RNF180: variants seen among roughly 807,000 people sequenced by gnomAD.
RNF180 encodes the protein E3 ubiquitin-protein ligase RNF180.
RNF180 carries 38 observed loss-of-function variants against 59.2 expected under a neutral mutation model. The ratio of observed to expected loss-of-function variants is 0.64; its 90% confidence interval spans 0.50 to 0.84. The LOEUF (loss-of-function observed/expected upper bound fraction) is 0.84, where lower values mean the gene tolerates loss of function less well. Ranked by LOEUF, RNF180 falls within the 40% of genes least tolerant of loss-of-function variation. The pLI is 0.00. For synonymous variants in RNF180, 262 were observed against 240.3 expected, an observed-to-expected ratio of 1.09 and a Z score of -0.84; for missense variants, 705 against 700.9, an observed-to-expected ratio of 1.01 and a Z score of -0.07.
chr5:64,349,521 G>C (rs991995150), intron 7 of RNF180, among the ~76,000 whole-genome samples: 2 of 151,246 alleles, frequency 1.3e-5, no homozygotes, highest in Non-Finnish European at 2.9e-5. Context: ...ATGTTGGTGT[G>C]CTGCACCCAT....
chr5:64,227,826 AAAAT>A lies in RNF180; in HGVS notation c.1227+10435_1227+10438del, dbSNP rs532038647. On this transcript the variant is annotated intron_variant, in intron 5 of 7. Coordinates refer to ENST00000389100, the MANE Select transcript of RNF180 (RefSeq NM_001113561.2). Reference sequence around the variant, plus strand: ...ACTTTTAAAATAAATAAATAAATAAAAAATAAATCTGCACATTTGGTTTTATTTA... The same window carrying A: ...ACTTTTAAAATAAATAAATAAATAAAAAATCTGCACATTTGGTTTTATTTA... Among the ~76,000 whole-genome samples, 227 of 152,334 alleles carry A rather than the reference AAAAT, an allele frequency of 1.5e-3. 1 individual carries two copies. The highest frequency in any genetic ancestry group is 5.2e-3 in the African/African-American group (216 of 41,562).
rs139136692 is a variant in RNF180 at position 64,297,445 on chromosome 5, TAGA to T, written c.1228-27735_1228-27733del. Among the ~76,000 whole-genome samples the T allele has an allele frequency of 7.0e-3, 1,061 of 152,158 alleles. 13 individuals carry two copies. Among genetic ancestry groups the T allele is most frequent in the African/African-American group, 0.023 (941 of 41,550 alleles). On this transcript the variant is annotated intron_variant, in intron 5 of 7. Coordinates refer to ENST00000389100, the MANE Select transcript of RNF180 (RefSeq NM_001113561.2). ...AAATTTGGCTCGAGTTTCAATTTAT[TAGA>T]AGAAGGGCTTCTTTTTTTGGTATTT...
chr5:64,271,842 C>T (rs574592211), intron 5 of RNF180, among the ~76,000 whole-genome samples: 1 of 152,070 alleles, frequency 6.6e-6, no homozygotes, highest in East Asian at 1.9e-4. Context: ...CTCACTGTGA[C>T]ACAAATGAAG....
intron 7 of RNF180, among the ~76,000 whole-genome samples, chr5:64,365,100 C>A (rs1225476010): frequency 6.6e-6 from 1 of 151,130 alleles, no homozygotes; most frequent in Admixed American, 6.6e-5. Context: ...TGTCTTCTAG[C>A]TTTGGGGTTG....
chr5:64,324,739 C>T (rs1744546814), intron 5 of RNF180, among the ~76,000 whole-genome samples: 1 of 152,320 alleles, frequency 6.6e-6, no homozygotes, highest in South Asian at 2.1e-4. Flanking sequence ...GAATGTTCCA[C>T]ACGCAGTATG....
At chr5:64,317,553 C>CAT (rs200147443) in intron 5 of RNF180, among the ~76,000 whole-genome samples, 1 of 139,986 alleles carries the variant, frequency 7.1e-6, no homozygotes, top group Non-Finnish European at 1.5e-5. Context: ...TTTATATATA[C>CAT]ATATATACAC....
At chr5:64,222,695 A>T (rs1356325191) in intron 5 of RNF180, among the ~76,000 whole-genome samples, 1 of 152,222 alleles carries the variant, frequency 6.6e-6, no homozygotes, top group Non-Finnish European at 1.5e-5. Context: ...CATAAATCAC[A>T]TTGTAGTTTG....
intron 7 of RNF180, among the ~76,000 whole-genome samples, chr5:64,350,986 A>C (rs1167469272): frequency 2.7e-4 from 41 of 152,088 alleles, no homozygotes; most frequent in South Asian, 8.3e-4. Flanking sequence ...TTGAATCTAT[A>C]AATTACCTTG....
intron 7 of RNF180, among the ~76,000 whole-genome samples, chr5:64,352,451 A>G (rs947196083): frequency 1.2e-4 from 18 of 151,816 alleles, no homozygotes; most frequent in African/African-American, 3.9e-4. Context: ...CTAGCTTTTG[A>G]TATGTTTGCC....
chr5:64,226,831 GT>G (rs1741791484), intron 5 of RNF180, among the ~76,000 whole-genome samples: 1 of 152,216 alleles, frequency 6.6e-6, no homozygotes, highest in African/African-American at 2.4e-5. Context: ...CAGGAAGAAT[GT>G]AATAAGCATC....
At chr5:64,345,960 C>T (rs909736215) in intron 7 of RNF180, among the ~76,000 whole-genome samples, 3 of 149,940 alleles carry the variant, frequency 2.0e-5, no homozygotes, top group East Asian at 1.9e-4. Context: ...TAACCAGCTT[C>T]TAGGAAATTA....
intron 5 of RNF180, among the ~76,000 whole-genome samples, chr5:64,315,463 C>T (rs911225721): frequency 3.3e-5 from 5 of 152,088 alleles, no homozygotes; most frequent in Non-Finnish European, 7.4e-5. Flanking sequence ...TGCTTTTACT[C>T]GGCCAGCATG....
intron 7 of RNF180, among the ~76,000 whole-genome samples, chr5:64,347,724 C>T (rs937787489): frequency 5.3e-5 from 8 of 152,120 alleles, no homozygotes; most frequent in Admixed American, 2.0e-4. Flanking sequence ...TTATAATTTG[C>T]AGTTAAAACC....
In RNF180 at chr5:64,270,532, G is replaced by A. The variant is rs529389821; in HGVS notation, c.1227+53136G>A. ...TCATGTCATGCTGTTTATGTATATA[G>A]TCTCATTTAATTCTTACAACAGTTC... On this transcript the variant is annotated intron_variant, in intron 5 of 7. Transcript: ENST00000389100. Among the ~76,000 whole-genome samples, 52 of 152,144 alleles carry A rather than the reference G, an allele frequency of 3.4e-4. 1 individual carries two copies. In the South Asian group the frequency reaches 0.01, roughly 30 times the overall value.
At chr5:64,254,894 A>G (rs1227683124) in intron 5 of RNF180, among the ~76,000 whole-genome samples, 1 of 152,162 alleles carries the variant, frequency 6.6e-6, no homozygotes, top group African/African-American at 2.4e-5. Flanking sequence ...CATCTGAGCC[A>G]TTTGAAGTGA....
chr5:64,299,086 A>C (rs1488543495), intron 5 of RNF180, among the ~76,000 whole-genome samples: 1 of 151,958 alleles, frequency 6.6e-6, no homozygotes, highest in Non-Finnish European at 1.5e-5. Flanking sequence ...AATGAGGACC[A>C]AGAGAGCTCC....
intron 2 of RNF180, among the ~76,000 whole-genome samples, chr5:64,205,205 G>A (rs947281500): frequency 4.6e-5 from 7 of 152,166 alleles, no homozygotes; most frequent in South Asian, 4.1e-4. Flanking sequence ...TTGTGTGGGT[G>A]TATCAGGTTT....
chr5:64,202,431 T>C (rs137963144), intron 2 of RNF180, among the ~76,000 whole-genome samples: 160 of 152,338 alleles, frequency 1.1e-3, no homozygotes, highest in African/African-American at 3.7e-3. Context: ...TTTTAAGTTA[T>C]GAATAAAACT....
At chr5:64,233,017 C>A (rs549350465) in intron 5 of RNF180, among the ~76,000 whole-genome samples, 1 of 152,240 alleles carries the variant, frequency 6.6e-6, no homozygotes, top group African/African-American at 2.4e-5. Context: ...CTGTGGAGGT[C>A]CATAATGAGA....
Sources: gnomAD v4.1 joint callset for allele counts (sites outside exome capture counted in the v4.1 genomes callset) on GRCh38, gnomAD v4.1.1 for gene constraint, MANE v1.5 for transcripts, NCBI Gene and HGNC (gene_info 2026-07-23, HGNC 2026-07-21) for gene names.